The following LEKR1 variants were observed in gnomAD, a reference collection of about 807,000 sequenced individuals.
LEKR1 encodes protein LEKR1.
In LEKR1, 59 loss-of-function variants were observed where a neutral mutation model predicts 72.4. The observed-to-expected ratio is 0.82, with a 90% CI of 0.66 to 1.01. LEKR1 has a LOEUF of 1.01. Among genes scored for constraint, LEKR1 ranks in the 50% least tolerant of loss-of-function variants. The pLI is 0.00. For missense variants in LEKR1, 728 were observed against 759.2 expected, an observed-to-expected ratio of 0.96 and a Z score of 0.48; for synonymous variants, 257 against 263.2, an observed-to-expected ratio of 0.98 and a Z score of 0.23.
intron 6 of LEKR1, among the ~76,000 whole-genome samples, chr3:156,969,833 C>T (rs574880539): frequency 4.6e-5 from 7 of 151,940 alleles, no homozygotes; most frequent in African/African-American, 7.2e-5. Context: ...AGAGAATTTT[C>T]GACCAATATC....
intron 3 of LEKR1, among the ~76,000 whole-genome samples, chr3:156,893,949 G>C (rs1267027960): frequency 6.6e-6 from 1 of 152,196 alleles, no homozygotes; most frequent in Non-Finnish European, 1.5e-5. Flanking sequence ...GCTTGCTGAA[G>C]AGTCTCCCAA....
chr3:156,997,732 G>A (rs1222012484), intron 9 of LEKR1, among the ~76,000 whole-genome samples: 1 of 152,204 alleles, frequency 6.6e-6, no homozygotes, highest in Admixed American at 6.5e-5. Flanking sequence ...TAGAAGCTGT[G>A]TATTTCAGAA....
At chr3:156,969,653 C>T (rs9880015) in intron 6 of LEKR1, among the ~76,000 whole-genome samples, 14 of 152,038 alleles carry the variant, frequency 9.2e-5, no homozygotes, top group Admixed American at 9.2e-4. Flanking sequence ...CAAAAAAAGT[C>T]CAGGACCAGA....
chr3:156,855,797 CAG>C (rs1715986446), intron 3 of LEKR1, among the ~76,000 whole-genome samples: 1 of 152,134 alleles, frequency 6.6e-6, no homozygotes, highest in South Asian at 2.1e-4. Flanking sequence ...GGACTAGAAA[CAG>C]AGCTTGTTCA....
intron 6 of LEKR1, among the ~76,000 whole-genome samples, chr3:156,955,005 ATTTG>A (rs1358347587): frequency 6.6e-6 from 1 of 151,926 alleles, no homozygotes; most frequent in East Asian, 1.9e-4. Context: ...ATGTTTTTCC[ATTTG>A]TTTGTGTCCT....
At chr3:156,951,801 A>G (rs765818023) in intron 6 of LEKR1, among the ~76,000 whole-genome samples, 1 of 151,288 alleles carries the variant, frequency 6.6e-6, no homozygotes, top group Non-Finnish European at 1.5e-5. Context: ...CGAAAAACCT[A>G]CTTCTGGATT....
chr3:156,885,830 T>C (rs907668107), intron 3 of LEKR1, among the ~76,000 whole-genome samples: 1 of 152,226 alleles, frequency 6.6e-6, no homozygotes, highest in African/African-American at 2.4e-5. Context: ...TAGATTGCCT[T>C]CCCTTTCCTG....
At chr3:156,908,582 C>G (rs943834401) in intron 3 of LEKR1, among the ~76,000 whole-genome samples, 5 of 152,158 alleles carry the variant, frequency 3.3e-5, no homozygotes, top group Admixed American at 1.3e-4. Context: ...TTTAACCTGC[C>G]TCTGTCCTCT....
At chr3:156,887,765 T>C (rs1236261399) in intron 3 of LEKR1, among the ~76,000 whole-genome samples, 9 of 152,086 alleles carry the variant, frequency 5.9e-5, no homozygotes, top group Admixed American at 5.9e-4. Flanking sequence ...AGTTCTGGGA[T>C]TGGGGTAATC....
intron 7 of LEKR1, among the ~76,000 whole-genome samples, chr3:156,982,930 C>T (rs953461657): frequency 6.6e-6 from 1 of 151,720 alleles, no homozygotes; most frequent in African/African-American, 2.4e-5. Flanking sequence ...AGACAGGTAG[C>T]ATAGAGAAAG....
chr3:156,920,386 A>T (rs1402960257), intron 3 of LEKR1, among the ~76,000 whole-genome samples, 189 bp from the exon 4 acceptor site: 1 of 151,242 alleles, frequency 6.6e-6, no homozygotes, highest in Non-Finnish European at 1.5e-5. Flanking sequence ...CATAAATTCC[A>T]CTCTCCTCCC....
intron 2 of LEKR1, among the ~76,000 whole-genome samples, chr3:156,847,401 G>A (rs1714745958): frequency 6.6e-6 from 1 of 152,128 alleles, no homozygotes; most frequent in East Asian, 1.9e-4. Context: ...AGAACATCCT[G>A]TTAATGATAG....
intron 3 of LEKR1, among the ~76,000 whole-genome samples, chr3:156,918,857 T>C (rs771407032): frequency 9.2e-5 from 14 of 152,112 alleles, no homozygotes; most frequent in Non-Finnish European, 1.9e-4. Context: ...TTAGTCATTG[T>C]TACAGTTTGG....
At chr3:156,884,008 A>G (rs1262348641) in intron 3 of LEKR1, among the ~76,000 whole-genome samples, 1 of 152,110 alleles carries the variant, frequency 6.6e-6, no homozygotes, top group Non-Finnish European at 1.5e-5. Context: ...TTACTGGACT[A>G]TTTTTTACCA....
At chr3:156,888,616 A>G in intron 3 of LEKR1, 1 of 467,512 alleles carries the variant, frequency 2.1e-6, no homozygotes. Context: ...CATGTTCTCT[A>G]GCTCCTTTTA....
chr3:156,909,670 A>AAAAAGG lies in LEKR1; in HGVS notation c.264-10903_264-10902insAAGGAA, dbSNP rs1289792836. On this transcript the variant is annotated intron_variant, in intron 3 of 12. Transcript: ENST00000356539. ...GAGTCTGTCTCAAAAAAAAAAAAAA[A>AAAAAGG]AAGAAATCTTCAATATCTTTACCTA... is the stretch of plus-strand genomic sequence containing the variant. 4.8e-4 allele frequency among the ~76,000 whole-genome samples: 35 copies of AAAAAGG among 72,846 alleles called. No homozygotes were observed. In the African/African-American group the frequency reaches 5.0e-3, roughly 10 times the overall value. 47.8% of individuals were successfully genotyped at this position (72,846 alleles called of 152,430 possible).
At chr3:156,894,979 CAA>C (rs1721027117) in intron 3 of LEKR1, among the ~76,000 whole-genome samples, 1 of 152,038 alleles carries the variant, frequency 6.6e-6, no homozygotes, top group Admixed American at 6.6e-5. Context: ...TAGGCATGGG[CAA>C]AGATTTCATG....
At chr3:156,963,784 G>T (rs968058782) in intron 6 of LEKR1, among the ~76,000 whole-genome samples, 4 of 152,168 alleles carry the variant, frequency 2.6e-5, no homozygotes, top group Admixed American at 2.0e-4. Context: ...TCAGTCATTT[G>T]CCCAGGACTA....
rs1734071322 is a variant in LEKR1, at chr3:157,024,752, A to T, written c.1204-8A>T. The stretch of plus-strand genomic sequence containing the variant: ...TAGTTTTACATGTGCTTTAAATGCC[A>T]TTTCTAGATTGAAGCAGAACTTGCC... On this transcript the variant is annotated splice_polypyrimidine_tract_variant and splice_region_variant and intron_variant, in intron 10 of 12. Coordinates refer to ENST00000356539, the MANE Select transcript of LEKR1 (RefSeq NM_001004316.3). 1.3e-6 allele frequency: 2 copies of T among 1,594,490 alleles called. No homozygotes were observed. Among genetic ancestry groups the T allele is most frequent in the East Asian group, 2.2e-5 (1 of 44,650 alleles).
Sources: gnomAD v4.1 joint callset for allele counts (sites outside exome capture counted in the v4.1 genomes callset) on GRCh38, gnomAD v4.1.1 for gene constraint, MANE v1.5 for transcripts, NCBI Gene and HGNC (gene_info 2026-07-23, HGNC 2026-07-21) for gene names.